Variants in SCAF8 observed in about 807,000 individuals in gnomAD.
SCAF8 encodes the protein SR-related CTD associated factor 8, also known as SR-related and CTD-associated factor 8.
Under a neutral mutation model 140.5 loss-of-function variants are expected in SCAF8, and 23 were observed. The ratio of observed to expected loss-of-function variants is 0.16; its 90% CI spans 0.12 to 0.23. The LOEUF (loss-of-function observed/expected upper bound fraction) is 0.23. SCAF8 is among the 10% of genes least tolerant of loss of function. The pLI, the probability that SCAF8 is intolerant of heterozygous loss-of-function variation, is 1.00. For synonymous variants in SCAF8, 575 were observed against 528.9 expected (o/e 1.09, Z -1.20); for missense variants, 1,397 against 1,555.7 (o/e 0.90, Z 1.72).
At chr6:154,753,335 C>T (rs757710922) in intron 1 of SCAF8, among the ~76,000 whole-genome samples, 8 of 152,264 alleles carry the variant, frequency 5.3e-5, no homozygotes, top group East Asian at 3.9e-4. Flanking sequence ...AGTGTGGTGG[C>T]GCACACCTGT....
At chr6:154,812,199 T>TTA (rs1554263070) in intron 12 of SCAF8, among the ~76,000 whole-genome samples, 12 of 125,428 alleles carry the variant, frequency 9.6e-5, no homozygotes, top group African/African-American at 3.0e-4. Flanking sequence ...TTTTTTTTTT[T>TTA]AAATAGGTTG....
chr6:154,773,733 G>T (rs1165195729), intron 1 of SCAF8, among the ~76,000 whole-genome samples: 4 of 152,164 alleles, frequency 2.6e-5, no homozygotes, highest in Non-Finnish European at 5.9e-5. Flanking sequence ...CACCAGTATT[G>T]TATGAGGGTT....
chr6:154,821,626 A>G (rs1477121597), intron 15 of SCAF8, among the ~76,000 whole-genome samples: 4 of 152,190 alleles, frequency 2.6e-5, no homozygotes, highest in Non-Finnish European at 5.9e-5. Context: ...CGAAAGGGTA[A>G]GGCAGGCAGC....
chr6:154,766,885 C>T (rs1356741910), intron 1 of SCAF8, among the ~76,000 whole-genome samples: 2 of 152,144 alleles, frequency 1.3e-5, no homozygotes, highest in East Asian at 3.9e-4. Context: ...TTGGGGTTCT[C>T]TTCCACAGCA....
chr6:154,733,812 C>T lies in SCAF8; in HGVS notation c.-89C>T. ...CCCGCCAGCGCCCCCTCCTCGCGGC[C>T]ACGCAGCAGCCCGCGTCTCGCTCTC... On this transcript the variant is annotated 5_prime_UTR_variant, in exon 1 of 20. Transcript: ENST00000367178. The T allele has an allele frequency of 2.1e-6, 3 of 1,458,836 alleles. No individual in the cohort carries two copies. Among genetic ancestry groups the T allele is most frequent in the Non-Finnish European group, 2.7e-6 (3 of 1,108,222 alleles). 90.4% of individuals were successfully genotyped at this position (1,458,836 alleles called of 1,614,324 possible). A position where few individuals can be genotyped will look rare whatever the true frequency, so the allele number is the denominator to read the frequency against.
chr6:154,815,121 C>T (rs955883458), intron 12 of SCAF8, among the ~76,000 whole-genome samples: 15 of 151,970 alleles, frequency 9.9e-5, no homozygotes, highest in African/African-American at 3.6e-4. Context: ...CATGGTGAAA[C>T]CCCGTCTCTA....
At chr6:154,747,665 A>G (rs1417816622) in intron 1 of SCAF8, among the ~76,000 whole-genome samples, 4 of 152,248 alleles carry the variant, frequency 2.6e-5, no homozygotes, top group East Asian at 3.8e-4. Flanking sequence ...AACAAGAATT[A>G]TAATCGAGCA....
At chr6:154,791,414 T>G (rs1319852485) in intron 4 of SCAF8, among the ~76,000 whole-genome samples, 1 of 152,142 alleles carries the variant, frequency 6.6e-6, no homozygotes, top group Non-Finnish European at 1.5e-5. Flanking sequence ...TGACTGAGAT[T>G]AGGGTATAAG....
chr6:154,816,971 G>A (rs1778268430), intron 13 of SCAF8, among the ~76,000 whole-genome samples: 1 of 152,130 alleles, frequency 6.6e-6, no homozygotes, highest in African/African-American at 2.4e-5. Context: ...TTCAACTTGG[G>A]TACTTCAGAT....
intron 6 of SCAF8, among the ~76,000 whole-genome samples, chr6:154,800,147 G>C (rs865869955): frequency 6.6e-6 from 1 of 151,104 alleles, no homozygotes; most frequent in African/African-American, 2.4e-5. Flanking sequence ...GTTCTCTCTC[G>C]CCTCTGCTTA....
At chr6:154,819,816 T>C (rs1778359489) in intron 14 of SCAF8, among the ~76,000 whole-genome samples, 1 of 152,094 alleles carries the variant, frequency 6.6e-6, no homozygotes, top group Non-Finnish European at 1.5e-5. Flanking sequence ...GGACAACCCC[T>C]GTCTCTACTA....
intron 1 of SCAF8, among the ~76,000 whole-genome samples, chr6:154,752,127 A>G (rs1343135791): frequency 6.6e-6 from 1 of 152,188 alleles, no homozygotes; most frequent in Non-Finnish European, 1.5e-5. Context: ...GATTTTTGCA[A>G]ACTATTGTTT....
intron 1 of SCAF8, among the ~76,000 whole-genome samples, chr6:154,747,933 T>TGTGTAC (rs1778744952): frequency 6.9e-6 from 1 of 145,660 alleles, no homozygotes; most frequent in Admixed American, 6.8e-5. Flanking sequence ...TGTGTGTGTG[T>TGTGTAC]GTGTACTAGA....
intron 1 of SCAF8, among the ~76,000 whole-genome samples, chr6:154,743,556 A>T (rs2114795642): frequency 6.6e-6 from 1 of 152,290 alleles, no homozygotes; most frequent in South Asian, 2.1e-4. Flanking sequence ...TATTTTCTGA[A>T]TTTGATGTGA....
At chr6:154,750,985 A>G (rs748628625) in intron 1 of SCAF8, among the ~76,000 whole-genome samples, 6 of 152,212 alleles carry the variant, frequency 3.9e-5, no homozygotes, top group Non-Finnish European at 7.3e-5. Flanking sequence ...TTGAAATTAA[A>G]GGAAGGTGGA....
At position 154,820,199 on chromosome 6, in the gene SCAF8, G is replaced by A. The variant is rs199615894; in HGVS notation, c.1658G>A (p.Gly553Asp). 1 of 1,603,150 alleles carries A rather than the reference G, an allele frequency of 6.2e-7. No homozygotes were observed. Among genetic ancestry groups the A allele is most frequent in the African/African-American group, 1.3e-5 (1 of 74,098 alleles). ...VIKIAWALNK[G>D]VKTEYKQFWD... ...TAGATCGCTTGGGCTTTAAACAAAG[G>A]TGTAAAAACAGAATACAAACAATTC... The change falls in exon 15 of 20, where the codon GGT (glycine) becomes GAT (aspartate). Residue 553 changes from glycine to aspartate, a missense_variant. Coordinates refer to ENST00000367178, the MANE Select transcript of SCAF8 (RefSeq NM_014892.5).
intron 3 of SCAF8, among the ~76,000 whole-genome samples, chr6:154,784,144 T>G (rs1034090811): frequency 2.2e-5 from 2 of 92,516 alleles, no homozygotes; most frequent in Admixed American, 1.0e-4. Flanking sequence ...TATATATATA[T>G]ATATATATAT....
At chr6:154,803,521 C>CT (rs752590533) in intron 7 of SCAF8, 23 bp from the exon 8 acceptor site, 20 of 1,567,602 alleles carry the variant, frequency 1.3e-5, no homozygotes, top group Non-Finnish European at 1.6e-5. Context: ...TTTAATATGT[C>CT]TGTTTCTCCT....
intron 16 of SCAF8, among the ~76,000 whole-genome samples, chr6:154,823,629 G>C (rs913439420): frequency 1.3e-5 from 2 of 152,132 alleles, no homozygotes; most frequent in African/African-American, 4.8e-5. Flanking sequence ...CTGAGACTGG[G>C]AAAGACTGTG....
Sources: allele counts gnomAD v4.1 joint callset (sites outside exome capture counted in the v4.1 genomes callset), GRCh38; gene constraint gnomAD v4.1.1; transcripts MANE v1.5; gene names NCBI Gene and HGNC (gene_info 2026-07-23, HGNC 2026-07-21).